Variants in NUP160 observed in about 807,000 individuals in gnomAD.
The protein encoded by NUP160 is nucleoporin 160.
In NUP160, 94 loss-of-function variants were observed where a neutral mutation model predicts 196.9. The ratio of observed to expected loss-of-function variants is 0.48; its 90% CI spans 0.40 to 0.57. The LOEUF is 0.57. Among genes scored for constraint, NUP160 ranks in the 20% least tolerant of loss-of-function variants. NUP160 has a pLI of 0.00. For synonymous variants in NUP160, 605 were observed against 619.7 expected (o/e 0.98, Z 0.35); for missense variants, 1,638 against 1,748.3 (o/e 0.94, Z 1.13).
intron 33 of NUP160, among the ~76,000 whole-genome samples, chr11:47,784,246 C>A (rs1216768286): frequency 6.6e-6 from 1 of 152,120 alleles, no homozygotes; most frequent in Non-Finnish European, 1.5e-5. Flanking sequence ...GATGAGGAAT[C>A]TGTATTTTGA....
chr11:47,794,892 G>A (rs1329270700), intron 27 of NUP160, among the ~76,000 whole-genome samples: 3 of 151,940 alleles, frequency 2.0e-5, no homozygotes, highest in South Asian at 2.1e-4. Flanking sequence ...CAGCCTAGAC[G>A]ACAGAGCGGG....
exon 15 of NUP160, chr11:47,812,994 C>T: frequency 6.2e-7 from 1 of 1,612,844 alleles, no homozygotes; most frequent in Non-Finnish European, 8.5e-7. Context: ...ACTGACTCTT[C>T]AATCAGCCGG....
At chr11:47,791,796 A>G (rs2097668052) in intron 29 of NUP160, 134 bp downstream of exon 29, 2 of 630,002 alleles carry the variant, frequency 3.2e-6, no homozygotes, top group South Asian at 4.6e-5. Flanking sequence ...TACAAGGGCA[A>G]CTGTTACTAC....
intron 7 of NUP160, among the ~76,000 whole-genome samples, chr11:47,834,747 T>C (rs1023553509): frequency 6.6e-6 from 1 of 152,010 alleles, no homozygotes; most frequent in African/African-American, 2.4e-5. Flanking sequence ...AGGGGTGATA[T>C]GGCCAGGTGT....
intron 13 of NUP160, among the ~76,000 whole-genome samples, chr11:47,814,102 A>C: frequency 7.1e-6 from 1 of 141,400 alleles, no homozygotes; most frequent in East Asian, 2.1e-4. Context: ...AAAGAGTGCC[A>C]CTGTACTGCA....
At chr11:47,822,198 A>T (rs761239994) in intron 7 of NUP160, 34 bp from the exon 8 acceptor site, 1 of 1,391,724 alleles carries the variant, frequency 7.2e-7, no homozygotes, top group Non-Finnish European at 1.0e-6. Flanking sequence ...TTATTACCTG[A>T]AATAATCAAC....
intron 7 of NUP160, among the ~76,000 whole-genome samples, chr11:47,824,052 T>TATATATATATACAC (rs1391609379): frequency 2.1e-5 from 2 of 93,798 alleles, no homozygotes; most frequent in Non-Finnish European, 4.0e-5. Flanking sequence ...TATATATATA[T>TATATATATATACAC]ACACACACAC....
intron 34 of NUP160, among the ~76,000 whole-genome samples, chr11:47,781,270 C>T (rs1012361791): frequency 6.7e-6 from 1 of 148,294 alleles, no homozygotes; most frequent in Non-Finnish European, 1.5e-5. Context: ...TGTCAACTTT[C>T]TTTTTTTTTT....
intron 17 of NUP160, among the ~76,000 whole-genome samples, chr11:47,809,734 C>CAAAAAAA (rs779243939): frequency 2.1e-5 from 1 of 47,896 alleles, no homozygotes; most frequent in African/African-American, 9.8e-5. Flanking sequence ...GCAAGACTCT[C>CAAAAAAA]AAAAAAAAAA....
chr11:47,822,555 CAA>C (rs1851884116), intron 7 of NUP160, among the ~76,000 whole-genome samples: 1 of 151,250 alleles, frequency 6.6e-6, no homozygotes. Context: ...TGCACCCGGC[CAA>C]AAATTTTTTT....
At chr11:47,829,607 G>T (rs562585188) in intron 7 of NUP160, among the ~76,000 whole-genome samples, 1 of 152,220 alleles carries the variant, frequency 6.6e-6, no homozygotes, top group Admixed American at 6.6e-5. Flanking sequence ...GCACTGGCCT[G>T]TTTACAGAAT....
chr11:47,790,246 T>C (rs1169199809), intron 29 of NUP160, among the ~76,000 whole-genome samples: 2 of 151,584 alleles, frequency 1.3e-5, no homozygotes, highest in Non-Finnish European at 2.9e-5. Flanking sequence ...GTGCCTGGCC[T>C]ATATACTGTA....
Position 47,797,836 on chromosome 11 carries a change from G to A in NUP160, c.3232C>T (p.His1078Tyr), listed in dbSNP as rs762205379. 3.0e-5 allele frequency: 49 copies of A among 1,612,952 alleles called. No homozygotes were observed. In the East Asian group the frequency reaches 3.8e-4, roughly 12 times the overall value. Reference sequence around the variant, plus strand: ...GCATACAGAAGTTCATAGTAATTGTGAGTCATAAGGTCCACAGCTCTAGCA... The same window carrying A: ...GCATACAGAAGTTCATAGTAATTGTAAGTCATAAGGTCCACAGCTCTAGCA... Residue 1078 changes from histidine to tyrosine, a missense_variant, in exon 27 of 36, where the codon CAC becomes TAC. Around this residue, in one of 3 missense-constraint regions of NUP160, gnomAD observed 1,345 missense variants for 1,470.2 expected, o/e 0.91. Coordinates refer to ENST00000378460, the Ensembl canonical transcript of NUP160.
At chr11:47,847,720 G>GA in intron 2 of NUP160, 128 bp downstream of exon 2, 1 of 657,932 alleles carries the variant, frequency 1.5e-6, no homozygotes, top group Non-Finnish European at 2.7e-6. Flanking sequence ...GATACGAACT[G>GA]AAAAAACAAT....
At chr11:47,848,419 A>T in exon 1 of NUP160, 2 of 1,562,478 alleles carry the variant, frequency 1.3e-6, no homozygotes, top group Non-Finnish European at 1.7e-6. Context: ...CAGGTGAAGC[A>T]TTCCGGGAGC....
chr11:47,790,068 C>A (rs180721691), intron 29 of NUP160, among the ~76,000 whole-genome samples: 42 of 151,536 alleles, frequency 2.8e-4, no homozygotes, highest in Non-Finnish European at 5.3e-4. Context: ...GCCTCAGCCT[C>A]CCAAGTAGCT....
At chr11:47,807,757 G>C (rs2097678592) in intron 18 of NUP160, among the ~76,000 whole-genome samples, 1 of 152,152 alleles carries the variant, frequency 6.6e-6, no homozygotes, top group Admixed American at 6.5e-5. Context: ...AACATTTTGT[G>C]TATGGTCTTT....
At position 47,786,516 on chromosome 11, in the gene NUP160, G is replaced by A; in HGVS notation, c.3785C>T (p.Ala1262Val). The change falls in exon 32 of 36, where the codon GCA (alanine) becomes GTA (valine). Residue 1262 changes from alanine to valine, a missense_variant. Ala to Val is a moderately conservative substitution (Grantham distance 64). Coordinates refer to ENST00000378460, the Ensembl canonical transcript of NUP160. ...GGCTGCTAGCCAGGCCCAGGCTTCT[G>A]CTTGTGCTGCCTCTCCTCCAAATTG... 4 of 1,613,914 alleles carry A rather than the reference G, an allele frequency of 2.5e-6. No individual in the cohort carries two copies. The South Asian group carries it at 4.4e-5, about 18-fold the overall frequency.
chr11:47,782,299 AAAAAATATATATATATATATATATAT>A (rs1394413161), intron 34 of NUP160, among the ~76,000 whole-genome samples: 19 of 45,462 alleles, frequency 4.2e-4, no homozygotes, highest in East Asian at 3.8e-3. Context: ...TAAAAAAAAA[AAAAAATATATATATATATATATATAT>A]ATATATATAT....
Sources: gnomAD v4.1 joint callset for allele counts (sites outside exome capture counted in the v4.1 genomes callset) on GRCh38, gnomAD v4.1.1 for gene constraint, gnomAD v4.1.1 regional missense constraint, MANE v1.5 for transcripts, NCBI Gene and HGNC (gene_info 2026-07-23, HGNC 2026-07-21) for gene names.